Variants in ATP9A observed in about 807,000 individuals in gnomAD.
The protein encoded by ATP9A is ATPase phospholipid transporting 9A, also known as probable phospholipid-transporting ATPase IIA.
A neutral mutation model predicts 144.1 loss-of-function variants in ATP9A; 52 were observed. That is an observed-to-expected ratio of 0.36 (90% confidence interval 0.29 to 0.45). The LOEUF is 0.45. Ranked by LOEUF, ATP9A falls within the 20% of genes least tolerant of loss-of-function variation. The pLI is 1.00. For synonymous variants in ATP9A, 582 were observed against 557.4 expected (o/e 1.04, Z -0.62); for missense variants, 947 against 1,392.7 (o/e 0.68, Z 5.09).
chr20:51,622,678 G>A (rs2235860), intron 18 of ATP9A, among the ~76,000 whole-genome samples: 31,105 of 152,040 alleles, frequency 0.2, 3,638 homozygotes, highest in African/African-American at 0.33. Context: ...TCGTGCATTA[G>A]CTCACACTGC....
At chr20:51,761,945 C>T (rs946630402) in intron 1 of ATP9A, among the ~76,000 whole-genome samples, 2 of 152,126 alleles carry the variant, frequency 1.3e-5, no homozygotes, top group Non-Finnish European at 2.9e-5. Flanking sequence ...CTTCTAGAGT[C>T]CCCCGCATTC....
chr20:51,637,397 CA>C (rs1237860911), intron 15 of ATP9A, among the ~76,000 whole-genome samples: 1 of 150,566 alleles, frequency 6.6e-6, no homozygotes, highest in Non-Finnish European at 1.5e-5. Context: ...GTGTGCCAGG[CA>C]GGAAAGCTAG....
intron 13 of ATP9A, among the ~76,000 whole-genome samples, chr20:51,665,527 T>A (rs575830617): frequency 6.6e-6 from 1 of 152,000 alleles, no homozygotes; most frequent in Non-Finnish European, 1.5e-5. Context: ...GAGGCCAGCC[T>A]GGCCAACATG....
At chr20:51,619,306 G>A (rs1032086229) in intron 19 of ATP9A, among the ~76,000 whole-genome samples, 2 of 152,210 alleles carry the variant, frequency 1.3e-5, no homozygotes, top group Non-Finnish European at 2.9e-5. Context: ...GCTCATGCCT[G>A]TAATCCCAGC....
chr20:51,743,179 G>A (rs192451713), intron 1 of ATP9A, among the ~76,000 whole-genome samples: 9 of 152,236 alleles, frequency 5.9e-5, no homozygotes, highest in East Asian at 3.9e-4. Flanking sequence ...CACACCCTGC[G>A]TGTTGCATGC....
intron 7 of ATP9A, among the ~76,000 whole-genome samples, chr20:51,691,745 T>C (rs2077549462): frequency 6.6e-6 from 1 of 152,190 alleles, no homozygotes; most frequent in African/African-American, 2.4e-5. Context: ...CCTCCGGCTA[T>C]ATACCCAAAA....
intron 1 of ATP9A, among the ~76,000 whole-genome samples, chr20:51,748,551 A>G (rs1435800708): frequency 6.6e-6 from 1 of 152,228 alleles, no homozygotes; most frequent in Non-Finnish European, 1.5e-5. Context: ...CCACACCAAG[A>G]TATCTTTTTT....
At chr20:51,670,359 A>C (rs920507376) in intron 12 of ATP9A, among the ~76,000 whole-genome samples, 3 of 152,216 alleles carry the variant, frequency 2.0e-5, no homozygotes, top group Admixed American at 1.3e-4. Flanking sequence ...GCCCAAGAGG[A>C]CTGTCAATCA....
intron 14 of ATP9A, among the ~76,000 whole-genome samples, chr20:51,653,362 C>T (rs1032932554): frequency 6.6e-6 from 1 of 152,028 alleles, no homozygotes; most frequent in Non-Finnish European, 1.5e-5. Context: ...AGCCCTAAAA[C>T]AAATACACCA....
At chr20:51,622,702 G>A (rs943162074) in intron 18 of ATP9A, among the ~76,000 whole-genome samples, 1 of 152,102 alleles carries the variant, frequency 6.6e-6, no homozygotes, top group Non-Finnish European at 1.5e-5. Context: ...TCTCTGCTGT[G>A]GGCTCAGAGA....
At chr20:51,631,424 AG>A (rs2077269309) in intron 15 of ATP9A, among the ~76,000 whole-genome samples, 1 of 152,078 alleles carries the variant, frequency 6.6e-6, no homozygotes, top group Non-Finnish European at 1.5e-5. Context: ...CGACAACCAA[AG>A]GGTGCTCAAC....
At chr20:51,650,652 C>G (rs1333502994) in intron 14 of ATP9A, among the ~76,000 whole-genome samples, 1 of 151,986 alleles carries the variant, frequency 6.6e-6, no homozygotes. Context: ...CAGCGGGTGT[C>G]GCAGAGGAAG....
intron 9 of ATP9A, among the ~76,000 whole-genome samples, chr20:51,685,303 G>T (rs1475944581): frequency 6.6e-6 from 1 of 152,192 alleles, no homozygotes; most frequent in Admixed American, 6.5e-5. Flanking sequence ...GCACACGCCT[G>T]TAATCCCAGC....
intron 1 of ATP9A, among the ~76,000 whole-genome samples, chr20:51,748,932 T>TAGACAGACAGAC (rs1274457331): frequency 7.3e-6 from 1 of 137,386 alleles, no homozygotes; most frequent in Non-Finnish European, 1.5e-5. Context: ...GATAGATAGA[T>TAGACAGACAGAC]AGATAGATAG....
intron 3 of ATP9A, among the ~76,000 whole-genome samples, chr20:51,719,776 G>T (rs931179751): frequency 6.7e-6 from 1 of 148,680 alleles, no homozygotes; most frequent in Admixed American, 6.7e-5. Flanking sequence ...GCTGGGCACA[G>T]TGGCTCACGC....
chr20:51,697,017 G>A (rs1357322997), intron 5 of ATP9A, among the ~76,000 whole-genome samples: 1 of 152,108 alleles, frequency 6.6e-6, no homozygotes, highest in Non-Finnish European at 1.5e-5. Flanking sequence ...TAATAGACAA[G>A]CACAATGGTT....
chr20:51,728,600 C>G (rs1385313749), intron 2 of ATP9A, among the ~76,000 whole-genome samples: 1 of 141,382 alleles, frequency 7.1e-6, no homozygotes, highest in Admixed American at 7.6e-5. Context: ...GTGCTCCAGC[C>G]TGGGCGACAG....
In ATP9A at chr20:51,694,076, G is replaced by A. The variant is rs780277031; in HGVS notation, c.574C>T (p.Leu192=). The stretch of plus-strand genomic sequence containing the variant: ...AGCTTCCAGTCCGTCTCCCCATCCA[G>A]CTGATCCGTCCGCAAGAAGCATGAC... ...NGSCFLRTDQ[L]DGETDWKLRL... Residue 192 remains leucine, a synonymous_variant, in exon 7 of 28, where the codon CTG becomes TTG. Transcript: ENST00000338821. 2.0e-5 allele frequency: 32 copies of A among 1,613,982 alleles called. No individual in the cohort carries two copies. The highest frequency in any genetic ancestry group is 2.5e-5 in the Non-Finnish European group (30 of 1,180,002).
At chr20:51,705,691 A>G (rs117354530) in intron 4 of ATP9A, among the ~76,000 whole-genome samples, 2,131 of 152,332 alleles carry the variant, frequency 0.014, 30 homozygotes, top group Non-Finnish European at 0.022. Flanking sequence ...TCTTGTGAAA[A>G]TGCAAATCCC....
Sources: allele counts gnomAD v4.1 joint callset (sites outside exome capture counted in the v4.1 genomes callset), GRCh38; gene constraint gnomAD v4.1.1; transcripts MANE v1.5; gene names NCBI Gene and HGNC (gene_info 2026-07-23, HGNC 2026-07-21).